FERMT1: variants seen among roughly 807,000 people sequenced by gnomAD.
FERMT1 encodes fermitin family homolog 1.
FERMT1 carries 60 observed loss-of-function variants against 85.3 expected under a neutral mutation model. The ratio of observed to expected loss-of-function variants is 0.70; its 90% confidence interval spans 0.57 to 0.87. FERMT1 has a LOEUF of 0.87. Ranked by LOEUF, FERMT1 falls within the 40% of genes least tolerant of loss-of-function variation. The pLI, the probability that FERMT1 is intolerant of heterozygous loss-of-function variation, is 0.00. For synonymous variants in FERMT1, 275 were observed against 301.1 expected (o/e 0.91, Z 0.90); for missense variants, 701 against 818.9 (o/e 0.86, Z 1.76).
chr20:6,096,830 TAAAG>T, intron 8 of FERMT1, 68 bp downstream of exon 8: 1 of 887,476 alleles, frequency 1.1e-6, no homozygotes, highest in Middle Eastern at 2.7e-4. Context: ...TCTCTTCTAA[TAAAG>T]AAAAGTTCAT....
intron 2 of FERMT1, among the ~76,000 whole-genome samples, chr20:6,119,146 C>T (rs765056255): frequency 3.9e-5 from 6 of 152,140 alleles, no homozygotes; most frequent in Non-Finnish European, 8.8e-5. Flanking sequence ...TGGGGTTTCG[C>T]CATGTTGGCC....
chr20:6,101,297 T>C (rs1982651595), intron 6 of FERMT1, among the ~76,000 whole-genome samples: 1 of 152,244 alleles, frequency 6.6e-6, no homozygotes, highest in Non-Finnish European at 1.5e-5. Flanking sequence ...GAGATACTTT[T>C]ACAAGAATGT....
intron 2 of FERMT1, among the ~76,000 whole-genome samples, chr20:6,116,814 G>T (rs1322004198): frequency 6.6e-6 from 1 of 151,962 alleles, no homozygotes; most frequent in Non-Finnish European, 1.5e-5. Context: ...ATAAAAATGT[G>T]TTCACAATGA....
chr20:6,088,288 A>C (rs957550876), intron 10 of FERMT1, among the ~76,000 whole-genome samples: 1 of 152,216 alleles, frequency 6.6e-6, no homozygotes, highest in African/African-American at 2.4e-5. Flanking sequence ...GGACGCTCAC[A>C]GTGACCTTCA....
intron 9 of FERMT1, among the ~76,000 whole-genome samples, chr20:6,092,527 A>G: frequency 6.6e-6 from 1 of 151,758 alleles, no homozygotes; most frequent in Non-Finnish European, 1.5e-5. Context: ...TGGGTGACAG[A>G]ACGAGACTTT....
At chr20:6,099,208 G>T (rs192627956) in intron 6 of FERMT1, among the ~76,000 whole-genome samples, 1 of 152,016 alleles carries the variant, frequency 6.6e-6, no homozygotes, top group African/African-American at 2.4e-5. Flanking sequence ...TTTGAGACAC[G>T]CCTGGCCAAC....
intron 1 of FERMT1, among the ~76,000 whole-genome samples, chr20:6,121,877 A>G (rs73074400): frequency 0.042 from 6,362 of 152,326 alleles, 215 homozygotes; most frequent in East Asian, 0.11. Flanking sequence ...TTTACTAAGC[A>G]TTTCTATCAA....
At chr20:6,093,122 G>A (rs1982410919) in intron 9 of FERMT1, among the ~76,000 whole-genome samples, 2 of 151,894 alleles carry the variant, frequency 1.3e-5, no homozygotes, top group South Asian at 4.2e-4. Context: ...AAAAATCAAA[G>A]GATTAGTTCA....
intron 13 of FERMT1, among the ~76,000 whole-genome samples, chr20:6,081,710 G>A (rs1982003955): frequency 6.6e-6 from 1 of 152,076 alleles, no homozygotes; most frequent in Non-Finnish European, 1.5e-5. Flanking sequence ...GAGAGCAGCT[G>A]GAGGGGGTTG....
Position 6,122,871 on chromosome 20 carries a change from T to C in FERMT1, c.-116A>G, listed in dbSNP as rs886056900. ...CCGGGCCGAGCCGAGGAGCGGGCGC[T>C]GGCGAAGTGGGGAGCGGGGGGCGCC... On this transcript the variant is annotated 5_prime_UTR_variant, in exon 1 of 15. Transcript: ENST00000217289. 6.6e-6 allele frequency: 1 copy of C among 152,518 alleles called. No homozygotes were observed. Among genetic ancestry groups the C allele is most frequent in the East Asian group, 1.9e-4 (1 of 5,170 alleles). 9.4% of individuals were successfully genotyped at this position (152,518 alleles called of 1,614,324 possible).
chr20:6,110,902 A>G (rs1351579450), intron 4 of FERMT1, among the ~76,000 whole-genome samples: 42 of 152,214 alleles, frequency 2.8e-4, no homozygotes, highest in Non-Finnish European at 2.9e-5. Flanking sequence ...AAAGCCTTCA[A>G]AAATCAACAG....
intron 6 of FERMT1, among the ~76,000 whole-genome samples, chr20:6,100,850 A>G (rs1982642588): frequency 6.6e-6 from 1 of 152,196 alleles, no homozygotes; most frequent in South Asian, 2.1e-4. Flanking sequence ...GATTGAAAAA[A>G]TATTTGAAAT....
In FERMT1 at chr20:6,076,517, G is replaced by C. The variant is rs1307160997; in HGVS notation, c.*656C>G. On this transcript the variant is annotated 3_prime_UTR_variant, in exon 15 of 15. Transcript: ENST00000217289. ...GAAATCTGAGGAGACCAATGACTAA[G>C]ACCAGATGTGGGTCAGTGGTCATCT... 2.0e-6 allele frequency: 1 copy of C among 507,304 alleles called. No homozygotes were observed. Among genetic ancestry groups the C allele is most frequent in the Admixed American group, 2.0e-5 (1 of 49,842 alleles). 31.4% of individuals were successfully genotyped at this position (507,304 alleles called of 1,614,324 possible).
intron 9 of FERMT1, among the ~76,000 whole-genome samples, chr20:6,091,660 T>C (rs1182508238): frequency 1.3e-5 from 2 of 152,250 alleles, no homozygotes; most frequent in Non-Finnish European, 2.9e-5. Context: ...CTTCAGCCTC[T>C]AAATATTTCT....
chr20:6,081,282 C>CA (rs1207437126), intron 13 of FERMT1, among the ~76,000 whole-genome samples: 1 of 146,548 alleles, frequency 6.8e-6, no homozygotes, highest in Non-Finnish European at 1.5e-5. Flanking sequence ...AAAAAAAAAC[C>CA]AAAAAACTGA....
Position 6,115,930 on chromosome 20 carries a change from A to G in FERMT1, c.266T>C (p.Leu89Pro). The change falls in exon 3 of 15, where the codon CTC becomes CCC. Residue 89 changes from leucine (L) to proline (P), a missense_variant. Coordinates refer to ENST00000217289, the MANE Select transcript of FERMT1 (RefSeq NM_017671.5). Reference protein sequence around the residue: ...KYGVQADAKLLFTPQHKMLRL... With the variant: ...KYGVQADAKLPFTPQHKMLRL... Reference sequence around the variant, plus strand: ...CAGCATTTTATGCTGAGGGGTGAAGAGAAGCTTTGCATCTGCCTGGACCCC... The same window carrying G: ...CAGCATTTTATGCTGAGGGGTGAAGGGAAGCTTTGCATCTGCCTGGACCCC... 2 of 1,614,210 alleles carry G rather than the reference A, an allele frequency of 1.2e-6. No homozygotes were observed. Among genetic ancestry groups the G allele is most frequent in the Non-Finnish European group, 1.7e-6 (2 of 1,180,024 alleles).
chr20:6,112,430 A>C lies in FERMT1; in HGVS notation c.532+47T>G, dbSNP rs751828105. 7 of 1,588,726 alleles carry C rather than the reference A, an allele frequency of 4.4e-6. No homozygotes were observed. In the Admixed American group the frequency reaches 5.0e-5, roughly 11 times the overall value. Reference sequence around the variant, plus strand: ...GGAGGAGAGATATATTTCTCTCTTGAGTTTTACTGTACGTTCAAACAACAA... The same window carrying C: ...GGAGGAGAGATATATTTCTCTCTTGCGTTTTACTGTACGTTCAAACAACAA... On this transcript the variant is annotated intron_variant, in intron 4 of 14. Coordinates refer to ENST00000217289, the MANE Select transcript of FERMT1 (RefSeq NM_017671.5).
chr20:6,077,898 T>A (rs1461415369), intron 14 of FERMT1, among the ~76,000 whole-genome samples: 1 of 152,126 alleles, frequency 6.6e-6, no homozygotes, highest in Non-Finnish European at 1.5e-5. Context: ...GCCAGGCTGG[T>A]CTTGAACGCC....
rs114908587 is a variant in FERMT1, at chr20:6,080,617, G to A, written c.1719-1040C>T. 2.5e-3 allele frequency among the ~76,000 whole-genome samples: 383 copies of A among 152,290 alleles called. 1 individual carries two copies. Among genetic ancestry groups the A allele is most frequent in the African/African-American group, 9.0e-3 (373 of 41,558 alleles). ...TGGTGGAGGAGGAGGCGGAAGAAGT[G>A]GTCGGATTCTGTGTGTACTTTGAAG... On this transcript the variant is annotated intron_variant, in intron 13 of 14. Coordinates refer to ENST00000217289, the MANE Select transcript of FERMT1 (RefSeq NM_017671.5).
Sources: gnomAD v4.1 joint callset for allele counts (sites outside exome capture counted in the v4.1 genomes callset) on GRCh38, gnomAD v4.1.1 for gene constraint, MANE v1.5 for transcripts, NCBI Gene and HGNC (gene_info 2026-07-23, HGNC 2026-07-21) for gene names.